ZKSCAN3: variants seen among roughly 807,000 people sequenced by gnomAD.
ZKSCAN3 encodes the protein zinc finger protein with KRAB and SCAN domains 3.
Under a neutral mutation model 30.7 loss-of-function variants are expected in ZKSCAN3, and 21 were observed. The observed-to-expected ratio is 0.68, with a 90% CI of 0.49 to 0.99. The LOEUF is 0.99. ZKSCAN3 is among the 50% of genes least tolerant of loss of function. The probability of loss-of-function intolerance (pLI) is 0.00; values close to 1 mark genes in which losing one functional copy is unlikely to be tolerated. For missense variants in ZKSCAN3, 507 were observed against 647.1 expected (o/e 0.78, Z 2.35); for synonymous variants, 201 against 246.7 (o/e 0.81, Z 1.73).
intron 1 of ZKSCAN3, among the ~76,000 whole-genome samples, chr6:28,354,661 A>G (rs1765304184): frequency 6.6e-6 from 1 of 152,256 alleles, no homozygotes; most frequent in South Asian, 2.1e-4. Context: ...AGCAATCACT[A>G]CATGGTGATG....
intron 1 of ZKSCAN3, chr6:28,354,088 T>C (rs568782618): frequency 2.5e-6 from 1 of 397,364 alleles, no homozygotes; most frequent in South Asian, 1.8e-5. Flanking sequence ...GCTCCCACAC[T>C]TACAGCTGTA....
rs1765204525 is a variant in ZKSCAN3, at chr6:28,353,573, A to T, written c.-63+3506A>T. The T allele has an allele frequency of 1.2e-5, 3 of 259,814 alleles. No homozygotes were observed. The East Asian group carries it at 2.7e-4, about 23-fold the overall frequency. 16.1% of individuals were successfully genotyped at this position (259,814 alleles called of 1,614,324 possible). On this transcript the variant is annotated intron_variant, in intron 1 of 5. Transcript: ENST00000252211. Reference sequence around the variant, plus strand: ...GTTTCTAGATAATACCATACTGAGGAAGGAGTAGATTAGGAAGCAAGAAAA... The same window carrying T: ...GTTTCTAGATAATACCATACTGAGGTAGGAGTAGATTAGGAAGCAAGAAAA...
At chr6:28,359,378 T>C (rs149062585) in intron 1 of ZKSCAN3, 147 bp from the exon 2 acceptor site, 1 of 613,600 alleles carries the variant, frequency 1.6e-6, no homozygotes, top group East Asian at 2.9e-5. Context: ...GATTCAGGTT[T>C]GGGGTGGTGT....
intron 5 of ZKSCAN3, among the ~76,000 whole-genome samples, chr6:28,364,141 T>G (rs534950095): frequency 1.3e-5 from 2 of 152,100 alleles, no homozygotes; most frequent in Non-Finnish European, 2.9e-5. Flanking sequence ...GGCTAATTTT[T>G]TAATTTTAAT....
At chr6:28,363,864 G>A (rs190456446) in intron 5 of ZKSCAN3, 49 bp downstream of exon 5, 902 of 1,602,222 alleles carry the variant, frequency 5.6e-4, no homozygotes, top group Non-Finnish European at 6.7e-4. Context: ...GGCATTCTTT[G>A]TATATTAGAA....
rs1765032335 is a variant in ZKSCAN3, at chr6:28,351,740, C to A, written c.-63+1673C>A. On this transcript the variant is annotated intron_variant, in intron 1 of 5. Coordinates refer to ENST00000252211, the MANE Select transcript of ZKSCAN3 (RefSeq NM_024493.4). This position sits in a 1 kb window ranked among gnomAD's most constrained non-coding sequence, Gnocchi z 4.6. ...TGTCTTCCTTTCCTTCCCTCCCTCT[C>A]CCCCTCTTTATCTCTTTTTTTTCCT... Among the ~76,000 whole-genome samples the A allele has an allele frequency of 6.6e-6, 1 of 151,730 alleles. No homozygotes were observed. The highest frequency in any genetic ancestry group is 6.6e-5 in the Admixed American group (1 of 15,226).
At chr6:28,363,514 A>G (rs1765844737) in intron 4 of ZKSCAN3, 129 bp downstream of exon 4, 1 of 1,279,650 alleles carries the variant, frequency 7.8e-7, no homozygotes, top group Non-Finnish European at 1.1e-6. Flanking sequence ...TGGGATCTGC[A>G]TTTTCTCATC....
chr6:28,362,193 G>GAA (rs1765796007), intron 3 of ZKSCAN3, among the ~76,000 whole-genome samples: 1 of 152,234 alleles, frequency 6.6e-6, no homozygotes, highest in Non-Finnish European at 1.5e-5. Context: ...AACTGTGAGT[G>GAA]AAACTGTTCT....
At chr6:28,363,275 T>G in intron 3 of ZKSCAN3, 28 bp from the exon 4 acceptor site, 1 of 1,603,408 alleles carries the variant, frequency 6.2e-7, no homozygotes, top group South Asian at 1.1e-5. Flanking sequence ...CCAGGGTACA[T>G]CTCATCCAGA....
intron 1 of ZKSCAN3, chr6:28,350,303 AG>A (rs796586042): frequency 7.2e-5 from 11 of 152,156 alleles, no homozygotes; most frequent in African/African-American, 2.4e-4. Flanking sequence ...TCGGTTCTTG[AG>A]GGTATTTGGA....
At chr6:28,352,953 C>G (rs1315960326) in intron 1 of ZKSCAN3, among the ~76,000 whole-genome samples, 1 of 142,408 alleles carries the variant, frequency 7.0e-6, no homozygotes, top group Non-Finnish European at 1.5e-5. Flanking sequence ...CATTTCTTTT[C>G]TTTTCTTTTT....
rs915389977 is a variant in ZKSCAN3 at position 28,351,694 on chromosome 6, T to C, written c.-63+1627T>C. On this transcript the variant is annotated intron_variant, in intron 1 of 5. Transcript: ENST00000252211. This position sits in a 1 kb window ranked among gnomAD's most constrained non-coding sequence, Gnocchi z 4.6. The stretch of plus-strand genomic sequence containing the variant: ...CCTCCCTCTTTCCCTCTCTCCTTTC[T>C]TTCCCTCTCCCTCCTTTCTTTGTCT... Among the ~76,000 whole-genome samples, 10 of 151,780 alleles carry C rather than the reference T, an allele frequency of 6.6e-5. No individual in the cohort carries two copies. The highest frequency in any genetic ancestry group is 2.4e-4 in the African/African-American group (10 of 41,288).
At chr6:28,365,244 A>G (rs932850398) in intron 5 of ZKSCAN3, among the ~76,000 whole-genome samples, 182 bp from the exon 6 acceptor site, 2 of 151,780 alleles carry the variant, frequency 1.3e-5, no homozygotes, top group African/African-American at 4.8e-5. Context: ...CCCCATTCCC[A>G]TTCTTAGGTC....
chr6:28,352,491 A>T lies in ZKSCAN3; in HGVS notation c.-63+2424A>T, dbSNP rs368982317. Among the ~76,000 whole-genome samples the T allele has an allele frequency of 1.4e-4, 22 of 152,136 alleles. No homozygotes were observed. In the South Asian group the frequency reaches 1.5e-3, roughly 10 times the overall value. On this transcript the variant is annotated intron_variant, in intron 1 of 5. Transcript: ENST00000252211. ...TGTTCTTGAACTCCTGACCCCAGGA[A>T]ATCTGCCTCAGCCTCCCAAAGTGCT...
At chr6:28,354,078 G>A (rs1035803621) in intron 1 of ZKSCAN3, 5 of 403,686 alleles carry the variant, frequency 1.2e-5, no homozygotes, top group South Asian at 7.3e-5. Context: ...GGCTCCTGCC[G>A]CTCCCACACT....
chr6:28,358,653 C>T (rs1415957208), intron 1 of ZKSCAN3, among the ~76,000 whole-genome samples: 3 of 151,870 alleles, frequency 2.0e-5, no homozygotes, highest in Non-Finnish European at 2.9e-5. Context: ...TTTGGGAGGC[C>T]GAGGCAGATC....
chr6:28,362,891 C>T (rs138469094), intron 3 of ZKSCAN3, among the ~76,000 whole-genome samples: 2 of 152,326 alleles, frequency 1.3e-5, no homozygotes, highest in African/African-American at 4.8e-5. Flanking sequence ...CCTCCTATCT[C>T]TAGCAAAATT....
chr6:28,350,821 A>G (rs1335088307), intron 1 of ZKSCAN3, among the ~76,000 whole-genome samples: 1 of 152,198 alleles, frequency 6.6e-6, no homozygotes, highest in Non-Finnish European at 1.5e-5. Flanking sequence ...GCAAAGACCA[A>G]AACTGGTTTG....
At chr6:28,362,602 A>C (rs1375817128) in intron 3 of ZKSCAN3, among the ~76,000 whole-genome samples, 1 of 152,154 alleles carries the variant, frequency 6.6e-6, no homozygotes, top group African/African-American at 2.4e-5. Flanking sequence ...TTATATAAGG[A>C]ATACATGAGG....
Sources: gnomAD v4.1 joint callset for allele counts (sites outside exome capture counted in the v4.1 genomes callset) on GRCh38, gnomAD v4.1.1 for gene constraint, Gnocchi (gnomAD v3.1) non-coding constraint, MANE v1.5 for transcripts, NCBI Gene and HGNC (gene_info 2026-07-23, HGNC 2026-07-21) for gene names.